Variants in ARHGEF40 observed in about 807,000 individuals in gnomAD.
ARHGEF40 encodes Rho guanine nucleotide exchange factor (GEF) 40.
ARHGEF40 carries 98 observed loss-of-function variants against 165.9 expected under a neutral mutation model. The observed-to-expected ratio is 0.59, with a 90% CI of 0.50 to 0.70. The LOEUF (loss-of-function observed/expected upper bound fraction) is 0.70. Ranked by LOEUF, ARHGEF40 falls within the 30% of genes least tolerant of loss-of-function variation. ARHGEF40 has a pLI of 0.00. For synonymous variants in ARHGEF40, 792 were observed against 814.3 expected, an observed-to-expected ratio of 0.97 and a Z score of 0.47; for missense variants, 1,815 against 1,968.0, an observed-to-expected ratio of 0.92 and a Z score of 1.47.
chr14:21,086,696 G>T (rs74036591), intron 19 of ARHGEF40: 16,230 of 299,204 alleles, frequency 0.054, 782 homozygotes, highest in African/African-American at 0.16. Context: ...TTTGTTTTTT[G>T]TGTGTGTATG....
At chr14:21,078,104 G>T (rs750031854) in intron 8 of ARHGEF40, 73 bp from the exon 9 acceptor site, 102 of 1,387,024 alleles carry the variant, frequency 7.4e-5, no homozygotes, top group Non-Finnish European at 9.3e-5. Flanking sequence ...TGGGGCTACC[G>T]CACCCCAACC....
chr14:21,085,604 C>G, intron 18 of ARHGEF40, 85 bp from the exon 19 acceptor site: 1 of 1,480,034 alleles, frequency 6.8e-7, no homozygotes, highest in Non-Finnish European at 9.1e-7. Flanking sequence ...CTATCAGATG[C>G]CAGGCGAAGC....
intron 5 of ARHGEF40, 136 bp from the exon 6 acceptor site, chr14:21,076,220 ATTTC>A: frequency 1.4e-6 from 1 of 735,734 alleles, no homozygotes. Context: ...CCCTTTGCCC[ATTTC>A]TTCCCAAATG....
upstream of ARHGEF40, among the ~76,000 whole-genome samples, chr14:21,065,469 G>A (rs1886213283): frequency 6.6e-6 from 1 of 152,150 alleles, no homozygotes; most frequent in African/African-American, 2.4e-5. Flanking sequence ...AATAGACAAG[G>A]TCCCTCATTT....
intron 15 of ARHGEF40, 99 bp downstream of exon 15, chr14:21,082,577 AT>A (rs1285909635): frequency 1.4e-5 from 19 of 1,330,626 alleles, no homozygotes; most frequent in Non-Finnish European, 1.9e-5. Flanking sequence ...CTCTCCTCCC[AT>A]GTGTGGTCCA....
Position 21,081,815 on chromosome 14 carries a change from C to T in ARHGEF40, c.2947C>T (p.Arg983Cys), listed in dbSNP as rs572333686. Residue 983 changes from arginine to cysteine, a missense_variant, in exon 14 of 24, where the codon CGC (arginine) becomes TGC (cysteine). By Grantham distance (180) the Arg-to-Cys change is radical. Coordinates refer to ENST00000298694, the MANE Select transcript of ARHGEF40 (RefSeq NM_018071.5). ...ASSGGAQWGP[R>C]SPSPSLSSLL... Reference sequence around the variant, plus strand: ...CAGTGGAGGGGCCCAGTGGGGGCCCCGCAGCCCCTCGCCCAGCCTCAGCTC... The same window carrying T: ...CAGTGGAGGGGCCCAGTGGGGGCCCTGCAGCCCCTCGCCCAGCCTCAGCTC... The T allele has an allele frequency of 2.1e-4, 344 of 1,604,210 alleles. 2 individuals are homozygous for T. The highest frequency in any genetic ancestry group is 1.8e-3 in the South Asian group (161 of 90,046).
Position 21,090,077 on chromosome 14 carries a change from C to T in ARHGEF40, c.*1069C>T. 1 of 336,884 alleles carries T rather than the reference C, an allele frequency of 3.0e-6. No homozygotes were observed. The highest frequency in any genetic ancestry group is 3.5e-5 in the Admixed American group (1 of 28,444). 20.9% of individuals were successfully genotyped at this position (336,884 alleles called of 1,614,324 possible). Reference sequence around the variant, plus strand: ...ATAGGTAGGCAGACAGACACAGGGCCCTGTGCCTCAAGACACCTGTTTATT... The same window carrying T: ...ATAGGTAGGCAGACAGACACAGGGCTCTGTGCCTCAAGACACCTGTTTATT... On this transcript the variant is annotated 3_prime_UTR_variant, in exon 24 of 24. Coordinates refer to ENST00000298694, the MANE Select transcript of ARHGEF40 (RefSeq NM_018071.5). The surrounding 1 kb of genome is among the most constrained non-coding windows in gnomAD (Gnocchi z 4.4).
intron 10 of ARHGEF40, 108 bp from the exon 11 acceptor site, chr14:21,078,776 C>A: frequency 6.8e-7 from 1 of 1,472,456 alleles, no homozygotes. Flanking sequence ...TGCTTTTGAT[C>A]CATGCTGCTA....
rs370713697 is a variant in ARHGEF40 at position 21,081,002 on chromosome 14, C to T, written c.2626C>T (p.Arg876Cys). Residue 876 changes from arginine (R) to cysteine (C), a missense_variant, in exon 13 of 24, where the codon CGC becomes TGC. Physicochemically the swap from Arg to Cys is radical, Grantham distance 180. Transcript: ENST00000298694. Reference sequence around the variant, plus strand: ...CCTCCATCGGGCCCTGCGGCTACAGCGCTTCTTCCAGCAGGTGCATGCAGA... The same window carrying T: ...CCTCCATCGGGCCCTGCGGCTACAGTGCTTCTTCCAGCAGGTGCATGCAGA... ...SGLHRALRLQ[R>C]FFQQAHEWVD... The T allele has an allele frequency of 8.6e-5, 139 of 1,613,314 alleles. No individual in the cohort carries two copies. The highest frequency in any genetic ancestry group is 1.2e-4 in the Non-Finnish European group (136 of 1,179,652).
At chr14:21,086,760 A>C in intron 19 of ARHGEF40, 1 of 471,384 alleles carries the variant, frequency 2.1e-6, no homozygotes, top group Admixed American at 3.4e-5. Context: ...GATGCCAAAC[A>C]GCCAGGATGC....
At chr14:21,069,901 G>A (rs1024277531), upstream of ARHGEF40, among the ~76,000 whole-genome samples, 1 of 152,244 alleles carries the variant, frequency 6.6e-6, no homozygotes, top group African/African-American at 2.4e-5. Context: ...CCAGTTCTGG[G>A]AAGGGGCGGC....
At position 21,073,166 on chromosome 14, in the gene ARHGEF40, A is replaced by G. The variant is rs1464393002; in HGVS notation, c.125A>G (p.Glu42Gly). 6.2e-6 allele frequency: 10 copies of G among 1,614,068 alleles called. No individual in the cohort carries two copies. Among genetic ancestry groups the G allele is most frequent in the Non-Finnish European group, 8.5e-6 (10 of 1,179,998 alleles). Residue 42 changes from glutamate (E) to glycine (G), a missense_variant, in exon 2 of 24, where the codon GAG (glutamate) becomes GGG (glycine). By Grantham distance (98) the Glu-to-Gly change is moderately conservative. Coordinates refer to ENST00000298694, the MANE Select transcript of ARHGEF40 (RefSeq NM_018071.5). The surrounding 1 kb of genome is among the most constrained non-coding windows in gnomAD (Gnocchi z 4.6). ...VFQVVERTYR[E>G]DALRYTLDFL... ...CAGGTGGTGGAGAGGACTTATCGGG[A>G]GGACGCACTGAGGTACACGCTGGAC...
rs115192554 is a variant in ARHGEF40, at chr14:21,074,934, C to T, written c.1204C>T (p.Pro402Ser). The stretch of plus-strand genomic sequence containing the variant: ...AGGAGGGGACAGTGCCCCACTGAGC[C>T]CTGGGGACAAGGAAGATGCCAGCCA... Reference protein sequence around the residue: ...SRGGDSAPLSPGDKEDASHQE... With the variant: ...SRGGDSAPLSSGDKEDASHQE... The change falls in exon 3 of 24, where the codon CCT (proline) becomes TCT (serine). Residue 402 changes from proline to serine, a missense_variant. Coordinates refer to ENST00000298694, the MANE Select transcript of ARHGEF40 (RefSeq NM_018071.5). This position sits in a 1 kb window ranked among gnomAD's most constrained non-coding sequence, Gnocchi z 4.8. The T allele has an allele frequency of 6.4e-4, 1,024 of 1,607,616 alleles. 5 individuals are homozygous for T. In the African/African-American group the frequency reaches 0.012, roughly 19 times the overall value.
chr14:21,083,732 A>T, intron 16 of ARHGEF40, 103 bp from the exon 17 acceptor site: 1 of 1,067,946 alleles, frequency 9.4e-7, no homozygotes, highest in Non-Finnish European at 1.3e-6. Flanking sequence ...GGCTTCATCT[A>T]TACCCAAAAG....
At position 21,073,736 on chromosome 14, in the gene ARHGEF40, A is replaced by G. The variant is rs1242661558; in HGVS notation, c.202-196A>G. 1.3e-5 allele frequency among the ~76,000 whole-genome samples: 2 copies of G among 152,104 alleles called. No homozygotes were observed. Among genetic ancestry groups the G allele is most frequent in the Non-Finnish European group, 2.9e-5 (2 of 68,016 alleles). On this transcript the variant is annotated intron_variant, in intron 2 of 23. Coordinates refer to ENST00000298694, the MANE Select transcript of ARHGEF40 (RefSeq NM_018071.5). This position sits in a 1 kb window ranked among gnomAD's most constrained non-coding sequence, Gnocchi z 4.6. ...AACTAGCTTCCTGAAGAATCTTCCT[A>G]CTACTGGGAGACCGATCAGTCCCAA...
At chr14:21,081,276 C>T in intron 13 of ARHGEF40, 1 of 771,186 alleles carries the variant, frequency 1.3e-6, no homozygotes, top group Non-Finnish European at 2.0e-6. Context: ...ACAGAGCCTG[C>T]CACTCATAAA....
chr14:21,075,096 C>A lies in ARHGEF40; in HGVS notation c.1366C>A (p.Pro456Thr). ...KELKTAGEKE[P>T]QLSEACGPTE... is the part of the protein sequence containing the mutation. ...GCTCAAAACAGCAGGCGAGAAAGAGCCTCAGCTCTCTGAAGCCTGTGGGCC... is the reference window on the plus strand; with the variant it reads ...GCTCAAAACAGCAGGCGAGAAAGAGACTCAGCTCTCTGAAGCCTGTGGGCC... The change falls in exon 3 of 24, where the codon CCT (proline) becomes ACT (threonine). Residue 456 changes from proline to threonine, a missense_variant. Transcript: ENST00000298694. This position sits in a 1 kb window ranked among gnomAD's most constrained non-coding sequence, Gnocchi z 4.5. 6.2e-7 allele frequency: 1 copy of A among 1,614,048 alleles called. No individual in the cohort carries two copies. The highest frequency in any genetic ancestry group is 1.7e-4 in the Middle Eastern group (1 of 5,946).
Position 21,081,866 on chromosome 14 carries a change from C to T in ARHGEF40, c.2998C>T (p.Pro1000Ser). Residue 1000 changes from proline (P) to serine (S), a missense_variant, in exon 14 of 24, where the codon CCA becomes TCA. Physicochemically the swap from Pro to Ser is moderately conservative, Grantham distance 74. Transcript: ENST00000298694. ...SSLLLPSSPGPRPAPSHCSLA... is the reference protein window; with the variant it reads ...SSLLLPSSPGSRPAPSHCSLA... Reference sequence around the variant, plus strand: ...CTTGCTGCTCCCCAGCAGCCCTGGGCCACGGCCAGCCCCATCCCATTGCTC... The same window carrying T: ...CTTGCTGCTCCCCAGCAGCCCTGGGTCACGGCCAGCCCCATCCCATTGCTC... 1 of 1,612,788 alleles carries T rather than the reference C, an allele frequency of 6.2e-7. No homozygotes were observed. The highest frequency in any genetic ancestry group is 8.5e-7 in the Non-Finnish European group (1 of 1,179,792).
intron 13 of ARHGEF40, 185 bp from the exon 14 acceptor site, chr14:21,081,324 T>C: frequency 1.1e-6 from 1 of 887,970 alleles, no homozygotes; most frequent in Non-Finnish European, 1.7e-6. Context: ...ATATAGGCTC[T>C]TCCATCTCCA....
Sources: allele counts gnomAD v4.1 joint callset (sites outside exome capture counted in the v4.1 genomes callset), GRCh38; gene constraint gnomAD v4.1.1; non-coding constraint Gnocchi (gnomAD v3.1); transcripts MANE v1.5; gene names NCBI Gene and HGNC (gene_info 2026-07-23, HGNC 2026-07-21).